The following GABRG1 variants were observed in gnomAD, a reference collection of about 807,000 sequenced individuals.
GABRG1 encodes the protein gamma-aminobutyric acid type A receptor subunit gamma1, also known as gamma-aminobutyric acid receptor subunit gamma-1.
Under a neutral mutation model 49.8 loss-of-function variants are expected in GABRG1, and 49 were observed. The observed-to-expected ratio is 0.98, with a 90% CI of 0.78 to 1.25. The LOEUF is 1.25. GABRG1 is among the 50% of genes most tolerant of loss of function. GABRG1 has a pLI of 0.00. For synonymous variants in GABRG1, 232 were observed against 185.1 expected (o/e 1.25, Z -2.06); for missense variants, 552 against 552.3 (o/e 1.00, Z 0.01).
chr4:46,106,153 C>T (rs1350230402), intron 1 of GABRG1, among the ~76,000 whole-genome samples: 1 of 151,530 alleles, frequency 6.6e-6, no homozygotes, highest in East Asian at 2.0e-4. Context: ...GGGTAGACAC[C>T]TGAGCCCCAA....
At chr4:46,079,120 T>C (rs1338390373) in intron 3 of GABRG1, among the ~76,000 whole-genome samples, 1 of 151,816 alleles carries the variant, frequency 6.6e-6, no homozygotes. Flanking sequence ...TCGTTTTCTG[T>C]TAAAAAAGAT....
At chr4:46,098,606 A>G (rs897104001) in intron 1 of GABRG1, among the ~76,000 whole-genome samples, 48 of 151,836 alleles carry the variant, frequency 3.2e-4, no homozygotes, top group African/African-American at 1.2e-3. Context: ...TACATCAAGC[A>G]TGAGAATACA....
chr4:46,080,015 A>T (rs1198021528), intron 3 of GABRG1, among the ~76,000 whole-genome samples: 1 of 151,740 alleles, frequency 6.6e-6, no homozygotes, highest in Admixed American at 6.6e-5. Flanking sequence ...AAGTTACTCT[A>T]TTTTTCCCCA....
At chr4:46,069,938 G>A (rs1719056116) in intron 3 of GABRG1, among the ~76,000 whole-genome samples, 1 of 151,928 alleles carries the variant, frequency 6.6e-6, no homozygotes, top group South Asian at 2.1e-4. Flanking sequence ...TGTAAGATTT[G>A]GAAATATTTT....
At chr4:46,072,730 A>C (rs147668031) in intron 3 of GABRG1, among the ~76,000 whole-genome samples, 1 of 152,248 alleles carries the variant, frequency 6.6e-6, no homozygotes, top group East Asian at 1.9e-4. Flanking sequence ...TGAAAACATA[A>C]GAGTATTGAG....
chr4:46,112,425 G>T (rs1172649673), intron 1 of GABRG1, among the ~76,000 whole-genome samples: 1 of 151,338 alleles, frequency 6.6e-6, no homozygotes, highest in South Asian at 2.1e-4. Context: ...AAGCAGTTTT[G>T]AGATTTCTCA....
intron 3 of GABRG1, among the ~76,000 whole-genome samples, chr4:46,075,646 T>C (rs917573918): frequency 6.6e-6 from 1 of 152,152 alleles, no homozygotes; most frequent in African/African-American, 2.4e-5. Context: ...TATGGCTTTA[T>C]ATTCCATTTC....
chr4:46,083,449 A>C (rs940867751), intron 3 of GABRG1, among the ~76,000 whole-genome samples: 2 of 151,728 alleles, frequency 1.3e-5, no homozygotes, highest in Non-Finnish European at 2.9e-5. Flanking sequence ...TACAATTTAT[A>C]CATAATACAA....
At chr4:46,107,589 A>G (rs1231841075) in intron 1 of GABRG1, among the ~76,000 whole-genome samples, 2 of 148,542 alleles carry the variant, frequency 1.3e-5, no homozygotes, top group South Asian at 2.1e-4. Context: ...TTTTTTTCTC[A>G]TATGTGAATT....
At chr4:46,075,860 G>T (rs1362089663) in intron 3 of GABRG1, among the ~76,000 whole-genome samples, 1 of 151,972 alleles carries the variant, frequency 6.6e-6, no homozygotes, top group Non-Finnish European at 1.5e-5. Context: ...GATAAAGAAA[G>T]ATAAATACAA....
At chr4:46,047,139 A>G (rs1718029407) in intron 8 of GABRG1, among the ~76,000 whole-genome samples, 1 of 152,114 alleles carries the variant, frequency 6.6e-6, no homozygotes, top group African/African-American at 2.4e-5. Context: ...TTGAAATGCG[A>G]CTAGCGCTAC....
intron 7 of GABRG1, among the ~76,000 whole-genome samples, chr4:46,052,476 T>C (rs1490028798): frequency 6.6e-6 from 1 of 151,870 alleles, no homozygotes; most frequent in South Asian, 2.1e-4. Context: ...AGTAAATCCT[T>C]TTATTTTTGA....
chr4:46,068,523 A>T (rs1718998055), intron 3 of GABRG1, among the ~76,000 whole-genome samples: 1 of 152,076 alleles, frequency 6.6e-6, no homozygotes. Context: ...AAATGGAAAA[A>T]GTTTTCTACT....
At chr4:46,075,764 A>G (rs897880831) in intron 3 of GABRG1, among the ~76,000 whole-genome samples, 13 of 152,124 alleles carry the variant, frequency 8.5e-5, no homozygotes, top group Middle Eastern at 3.2e-3. Context: ...GCAGAATTCC[A>G]GGACATTTAA....
At chr4:46,084,657 T>G (rs1028299498) in intron 2 of GABRG1, among the ~76,000 whole-genome samples, 2 of 151,688 alleles carry the variant, frequency 1.3e-5, no homozygotes, top group Non-Finnish European at 3.0e-5. Context: ...ACATAGTTTG[T>G]TTTTCCTCAA....
chr4:46,094,902 A>C (rs1472774554), intron 2 of GABRG1, among the ~76,000 whole-genome samples: 3 of 151,976 alleles, frequency 2.0e-5, no homozygotes, highest in Non-Finnish European at 4.4e-5. Context: ...AATACAAATC[A>C]ATTGTGGAAA....
chr4:46,117,610 C>CACATATGTATACATATATACA (rs1720944051), intron 1 of GABRG1, among the ~76,000 whole-genome samples: 1 of 139,746 alleles, frequency 7.2e-6, no homozygotes, highest in Non-Finnish European at 1.6e-5. Flanking sequence ...CTCTCTCTCT[C>CACATATGTATACATATATACA]TCTATATATA....
At chr4:46,044,996 A>G (rs1279435955) in intron 8 of GABRG1, among the ~76,000 whole-genome samples, 1 of 152,062 alleles carries the variant, frequency 6.6e-6, no homozygotes, top group Non-Finnish European at 1.5e-5. Context: ...TGCCACGCAA[A>G]CACACGTATG....
Position 46,123,827 on chromosome 4 carries a change from G to A in GABRG1, c.87C>T (p.Thr29=). Residue 29 remains threonine (T), a synonymous_variant, in exon 1 of 9, where the codon ACC becomes ACT. Transcript: ENST00000295452. ...RGVRLVFLLL[T]LHLGNCVDKA... ...TTACTCACCAGTTTCCCAAATGCAG[G>A]GTCAGTAACAAGAAGACCAACCTCA... 6.2e-7 allele frequency: 1 copy of A among 1,613,200 alleles called. No homozygotes were observed. The highest frequency in any genetic ancestry group is 2.2e-5 in the East Asian group (1 of 44,846).
Sources: allele counts gnomAD v4.1 joint callset (sites outside exome capture counted in the v4.1 genomes callset), GRCh38; gene constraint gnomAD v4.1.1; transcripts MANE v1.5; gene names NCBI Gene and HGNC (gene_info 2026-07-23, HGNC 2026-07-21).